Variants in CYB5R4 observed in about 807,000 individuals in gnomAD.
CYB5R4 encodes N-terminal cytochrome b5 and cytochrome b5 oxidoreductase domain-containing protein.
In CYB5R4, 55 loss-of-function variants were observed where a neutral mutation model predicts 70.2. The ratio of observed to expected loss-of-function variants is 0.78; its 90% CI spans 0.63 to 0.98. The LOEUF (loss-of-function observed/expected upper bound fraction) is 0.98. Ranked by LOEUF, CYB5R4 falls within the 50% of genes least tolerant of loss-of-function variation. CYB5R4 has a pLI of 0.00. For synonymous variants in CYB5R4, 197 were observed against 199.5 expected, an observed-to-expected ratio of 0.99 and a Z score of 0.11; for missense variants, 562 against 612.6, an observed-to-expected ratio of 0.92 and a Z score of 0.87.
At chr6:83,865,156 A>G (rs1451929876) in intron 2 of CYB5R4, among the ~76,000 whole-genome samples, 1 of 152,190 alleles carries the variant, frequency 6.6e-6, no homozygotes, top group East Asian at 1.9e-4. Flanking sequence ...TGTTGGTCTT[A>G]CTGCTCTGTC....
chr6:83,912,805 G>C (rs1463143856), intron 4 of CYB5R4, among the ~76,000 whole-genome samples: 3 of 152,192 alleles, frequency 2.0e-5, no homozygotes, highest in Non-Finnish European at 4.4e-5. Context: ...TAAAAACAGA[G>C]TAGGAGAATT....
intron 3 of CYB5R4, among the ~76,000 whole-genome samples, chr6:83,900,432 A>G (rs2099462726): frequency 6.6e-6 from 1 of 152,188 alleles, no homozygotes; most frequent in Non-Finnish European, 1.5e-5. Context: ...GCTGAGAAGA[A>G]TGTATATTCT....
chr6:83,940,138 A>T lies in CYB5R4; in HGVS notation c.1191A>T (p.Ala397=), dbSNP rs1417229015. ...AATTAGAAGATCTCTTTTTGTTGGC[A>T]GCTGGAACAGGCTTCACACCAATGG... is the stretch of plus-strand genomic sequence containing the variant. ...FQELEDLFLL[A]AGTGFTPMVK... The change falls in exon 13 of 16, where the codon GCA becomes GCT. Residue 397 remains alanine (A), a synonymous_variant. Coordinates refer to ENST00000369681, the MANE Select transcript of CYB5R4 (RefSeq NM_016230.4). 6.2e-7 allele frequency: 1 copy of T among 1,612,464 alleles called. No individual in the cohort carries two copies. The highest frequency in any genetic ancestry group is 8.5e-7 in the Non-Finnish European group (1 of 1,178,874).
intron 4 of CYB5R4, among the ~76,000 whole-genome samples, chr6:83,911,249 A>T (rs140442890): frequency 2.2e-3 from 329 of 151,760 alleles, no homozygotes; most frequent in African/African-American, 7.3e-3. Flanking sequence ...TACAAAAATT[A>T]AAAAAAAATT....
At chr6:83,862,673 A>T in intron 1 of CYB5R4, among the ~76,000 whole-genome samples, 1 of 152,188 alleles carries the variant, frequency 6.6e-6, no homozygotes, top group East Asian at 1.9e-4. Flanking sequence ...GAATTTAGAG[A>T]CGTTGTTGTA....
chr6:83,937,737 T>C (rs2099469146), intron 12 of CYB5R4, among the ~76,000 whole-genome samples: 1 of 152,212 alleles, frequency 6.6e-6, no homozygotes, highest in Non-Finnish European at 1.5e-5. Flanking sequence ...CAAGCTGGTC[T>C]CGAACTCCTA....
chr6:83,878,280 C>A (rs573622615), intron 2 of CYB5R4, among the ~76,000 whole-genome samples: 2 of 151,816 alleles, frequency 1.3e-5, no homozygotes, highest in East Asian at 3.9e-4. Flanking sequence ...AGTTCCAATA[C>A]ATTCTGGTTG....
chr6:83,865,462 C>T (rs768279850), intron 2 of CYB5R4, among the ~76,000 whole-genome samples: 7 of 152,140 alleles, frequency 4.6e-5, no homozygotes, highest in Non-Finnish European at 8.8e-5. Flanking sequence ...TTCCATGCCT[C>T]TCACCTAGCT....
chr6:83,929,176 T>C (rs924464729), intron 10 of CYB5R4, among the ~76,000 whole-genome samples: 1 of 152,188 alleles, frequency 6.6e-6, no homozygotes, highest in Non-Finnish European at 1.5e-5. Context: ...GTTATTTTAT[T>C]CACTAGCAAA....
At chr6:83,896,044 T>C (rs1432849632) in intron 3 of CYB5R4, among the ~76,000 whole-genome samples, 1 of 152,128 alleles carries the variant, frequency 6.6e-6, no homozygotes, top group Non-Finnish European at 1.5e-5. Flanking sequence ...TATCAAGTCA[T>C]TTTCTTTCCT....
In CYB5R4 at chr6:83,940,568, G is replaced by A. The variant is rs2099469585; in HGVS notation, c.1313G>A (p.Ser438Asn). 6.2e-7 allele frequency: 1 copy of A among 1,601,048 alleles called. No homozygotes were observed. The highest frequency in any genetic ancestry group is 8.5e-7 in the Non-Finnish European group (1 of 1,176,044). The change falls in exon 14 of 16, where the codon AGC (serine) becomes AAC (asparagine). Residue 438 changes from serine to asparagine, a missense_variant. Physicochemically the swap from Ser to Asn is conservative, Grantham distance 46. Transcript: ENST00000369681. ...NKTEDDIIWRSQLEKLAFKDK... is the reference protein window; with the variant it reads ...NKTEDDIIWRNQLEKLAFKDK... Reference sequence around the variant, plus strand: ...ACAGAAGATGATATAATTTGGAGAAGCCAATTGGAGAAATTAGCATTTAAA... The same window carrying A: ...ACAGAAGATGATATAATTTGGAGAAACCAATTGGAGAAATTAGCATTTAAA...
intron 2 of CYB5R4, among the ~76,000 whole-genome samples, chr6:83,865,933 A>T (rs2129127755): frequency 6.6e-6 from 1 of 152,328 alleles, no homozygotes; most frequent in South Asian, 2.1e-4. Context: ...GCAGGTGCAA[A>T]AAGATCCTTT....
intron 2 of CYB5R4, among the ~76,000 whole-genome samples, chr6:83,867,148 A>G (rs182423361): frequency 6.6e-6 from 1 of 152,338 alleles, no homozygotes; most frequent in Admixed American, 6.5e-5. Context: ...TGTAAGTGAT[A>G]TCAGACTGTT....
intron 15 of CYB5R4, among the ~76,000 whole-genome samples, chr6:83,957,966 T>G (rs1270042425): frequency 6.6e-6 from 1 of 152,182 alleles, no homozygotes; most frequent in Admixed American, 6.5e-5. Context: ...TTTCTTATTA[T>G]AGTTTTTGCT....
chr6:83,908,983 T>C, intron 3 of CYB5R4, 26 bp from the exon 4 acceptor site: 1 of 1,602,234 alleles, frequency 6.2e-7, no homozygotes, highest in East Asian at 2.2e-5. Context: ...TCATGTTGCT[T>C]TTCCATCATT....
chr6:83,866,791 T>C (rs1257032889), intron 2 of CYB5R4, among the ~76,000 whole-genome samples: 2 of 152,042 alleles, frequency 1.3e-5, no homozygotes, highest in African/African-American at 4.8e-5. Flanking sequence ...ATTTATTTTT[T>C]ATATTTTTCT....
chr6:83,913,578 G>A (rs761659424), intron 4 of CYB5R4, among the ~76,000 whole-genome samples: 1 of 152,106 alleles, frequency 6.6e-6, no homozygotes, highest in Non-Finnish European at 1.5e-5. Context: ...ATTTTGGGAT[G>A]GATGAGTGAA....
chr6:83,936,542 T>G (rs1315046989), intron 12 of CYB5R4, among the ~76,000 whole-genome samples, 166 bp downstream of exon 12: 1 of 152,198 alleles, frequency 6.6e-6, no homozygotes, highest in Non-Finnish European at 1.5e-5. Flanking sequence ...TCCATATTCC[T>G]TATTTTTATT....
chr6:83,939,349 AT>A (rs946113182), intron 12 of CYB5R4, among the ~76,000 whole-genome samples: 3 of 152,178 alleles, frequency 2.0e-5, no homozygotes, highest in Admixed American at 1.3e-4. Context: ...GTACATGGTG[AT>A]TATATCAACT....
Sources: gnomAD v4.1 joint callset for allele counts (sites outside exome capture counted in the v4.1 genomes callset) on GRCh38, gnomAD v4.1.1 for gene constraint, MANE v1.5 for transcripts, NCBI Gene and HGNC (gene_info 2026-07-23, HGNC 2026-07-21) for gene names.